Variants in FMN2 observed in about 807,000 individuals in gnomAD.
FMN2 encodes formin-2.
Under a neutral mutation model 142.3 loss-of-function variants are expected in FMN2, and 51 were observed. The ratio of observed to expected loss-of-function variants is 0.36; its 90% CI spans 0.29 to 0.45. The LOEUF (loss-of-function observed/expected upper bound fraction) is 0.45, where lower values mean the gene tolerates loss of function less well. Ranked by LOEUF, FMN2 falls within the 20% of genes least tolerant of loss-of-function variation. The probability of loss-of-function intolerance (pLI) is 1.00; values close to 1 mark genes in which losing one functional copy is unlikely to be tolerated. For synonymous variants in FMN2, 882 were observed against 869.8 expected (o/e 1.01, Z -0.25); for missense variants, 1,936 against 2,122.8 (o/e 0.91, Z 1.73).
intron 13 of FMN2, 129 bp from the exon 14 acceptor site, chr1:240,355,687 A>C (rs1174168667): frequency 5.7e-6 from 3 of 526,234 alleles, no homozygotes; most frequent in Admixed American, 3.4e-5. Context: ...TGTTTCCAAA[A>C]TGTGTGCAGA....
At chr1:240,336,612 C>T (rs1233146861) in intron 13 of FMN2, among the ~76,000 whole-genome samples, 3 of 114,484 alleles carry the variant, frequency 2.6e-5, no homozygotes, top group Admixed American at 1.9e-4. Flanking sequence ...CCATTTATTA[C>T]AGAGAACTTT....
intron 6 of FMN2, among the ~76,000 whole-genome samples, chr1:240,256,000 C>G (rs1308604544): frequency 6.6e-6 from 1 of 152,008 alleles, no homozygotes. Context: ...GTTAGGAGCC[C>G]TGGAAGAGAA....
At chr1:240,188,525 A>G (rs1665574839) in intron 4 of FMN2, among the ~76,000 whole-genome samples, 1 of 152,206 alleles carries the variant, frequency 6.6e-6, no homozygotes, top group Non-Finnish European at 1.5e-5. Flanking sequence ...GTTGGGCCCA[A>G]TAACAGCGGG....
At chr1:240,419,223 T>G in intron 15 of FMN2, among the ~76,000 whole-genome samples, 1 of 152,244 alleles carries the variant, frequency 6.6e-6, no homozygotes, top group Admixed American at 6.5e-5. Context: ...GTTTTATGCC[T>G]ACATATCTAG....
chr1:240,116,961 G>C (rs1389072521), intron 1 of FMN2, among the ~76,000 whole-genome samples: 2 of 151,966 alleles, frequency 1.3e-5, no homozygotes, highest in Admixed American at 1.3e-4. Context: ...GTGGCTCAAG[G>C]GAGGATTTGT....
chr1:240,405,774 A>C lies in FMN2; in HGVS notation c.4910+13212A>C, dbSNP rs528691494. On this transcript the variant is annotated intron_variant, in intron 15 of 17. Coordinates refer to ENST00000319653, the MANE Select transcript of FMN2 (RefSeq NM_020066.5). ...ACAATCATTGTTCAGAGGAAGAAAA[A>C]AATTTTTTTCTAAGGAGAATGAAAG... Among the ~76,000 whole-genome samples, 91 of 152,114 alleles carry C rather than the reference A, an allele frequency of 6.0e-4. 2 individuals carry two copies. The South Asian group carries it at 0.019, about 31-fold the overall frequency.
In FMN2 at chr1:240,092,106, C is replaced by T; in HGVS notation, c.-4C>T. 6.5e-7 allele frequency: 1 copy of T among 1,547,942 alleles called. No individual in the cohort carries two copies. The highest frequency in any genetic ancestry group is 8.7e-7 in the Non-Finnish European group (1 of 1,147,314). ...GCGCGGCGGCGCAGCAGCGGGATTG[C>T]ACCATGGGGAACCAGGATGGGAAGC... On this transcript the variant is annotated 5_prime_UTR_variant, in exon 1 of 18. Transcript: ENST00000319653.
At chr1:240,333,261 T>A (rs1232716912) in intron 11 of FMN2, among the ~76,000 whole-genome samples, 1 of 152,184 alleles carries the variant, frequency 6.6e-6, no homozygotes, top group Non-Finnish European at 1.5e-5. Flanking sequence ...TACCTTTTTT[T>A]AAATAGAAAT....
At chr1:240,098,086 G>T (rs1661276790) in intron 1 of FMN2, among the ~76,000 whole-genome samples, 1 of 112,970 alleles carries the variant, frequency 8.9e-6, no homozygotes, top group Admixed American at 9.1e-5. Context: ...CCTTTCTAAA[G>T]GTTATCTTGA....
chr1:240,366,626 G>A (rs59533649), intron 14 of FMN2, among the ~76,000 whole-genome samples: 30,091 of 150,398 alleles, frequency 0.2, 3,340 homozygotes, highest in African/African-American at 0.3. Context: ...CGCAACCTCC[G>A]CCTCTGTTTA....
Position 240,439,279 on chromosome 1 carries a change from A to AAGAAAG in FMN2, c.5060+1070_5060+1071insGAAAGA, listed in dbSNP as rs1553265376. Among the ~76,000 whole-genome samples, 417 of 124,772 alleles carry AAGAAAG rather than the reference A, an allele frequency of 3.3e-3. 5 individuals carry two copies. Among genetic ancestry groups the AAGAAAG allele is most frequent in the African/African-American group, 0.012 (394 of 31,982 alleles). 81.9% of individuals were successfully genotyped at this position (124,772 alleles called of 152,430 possible). On this transcript the variant is annotated intron_variant, in intron 16 of 17. Coordinates refer to ENST00000319653, the MANE Select transcript of FMN2 (RefSeq NM_020066.5). ...CAGAGCAAGGCTGTCTCAAAAAAAA[A>AAGAAAG]AAAGAAAGAAAGAAAGAAAGAAAGA... is the stretch of plus-strand genomic sequence containing the variant.
Position 240,472,404 on chromosome 1 carries a change from A to G in FMN2, c.5093A>G (p.Lys1698Arg). Residue 1698 changes from lysine to arginine, a missense_variant, in exon 17 of 18, where the codon AAG becomes AGG. By Grantham distance (26) the Lys-to-Arg change is conservative. Around this residue, in one of 8 missense-constraint regions of FMN2, gnomAD observed 322 missense variants for 401.6 expected, o/e 0.80. Coordinates refer to ENST00000319653, the MANE Select transcript of FMN2 (RefSeq NM_020066.5). ...GAAGCCGAAGAGGTGTGTAGACAGA[A>G]GAAAGGAAAATCACTTTATAAAATA... ...VKEAEEVCRQKKGKSLYKIKP... is the reference protein window; with the variant it reads ...VKEAEEVCRQRKGKSLYKIKP... The G allele has an allele frequency of 6.2e-7, 1 of 1,612,448 alleles. No homozygotes were observed. Among genetic ancestry groups the G allele is most frequent in the East Asian group, 2.2e-5 (1 of 44,740 alleles).
chr1:240,421,754 A>G (rs1007914225), intron 15 of FMN2, among the ~76,000 whole-genome samples: 1 of 150,570 alleles, frequency 6.6e-6, no homozygotes, highest in Non-Finnish European at 1.5e-5. Context: ...CAACCAAGAC[A>G]TTTTATCTCA....
intron 2 of FMN2, among the ~76,000 whole-genome samples, chr1:240,126,493 A>T (rs937195554): frequency 6.6e-6 from 1 of 151,382 alleles, no homozygotes; most frequent in African/African-American, 2.4e-5. Context: ...CTCTTCACTG[A>T]TGTAGTTTAT....
intron 6 of FMN2, among the ~76,000 whole-genome samples, chr1:240,248,085 C>T (rs1668140016): frequency 6.6e-6 from 1 of 152,012 alleles, no homozygotes; most frequent in African/African-American, 2.4e-5. Flanking sequence ...AATCTCTCCT[C>T]ATCACCTCCC....
intron 8 of FMN2, among the ~76,000 whole-genome samples, chr1:240,328,397 C>T (rs1484150120): frequency 6.6e-6 from 1 of 151,482 alleles, no homozygotes; most frequent in African/African-American, 2.4e-5. Context: ...AATGAAATGC[C>T]TGTGTTCTAG....
At chr1:240,377,112 A>G (rs1468656107) in intron 14 of FMN2, among the ~76,000 whole-genome samples, 1 of 152,186 alleles carries the variant, frequency 6.6e-6, no homozygotes, top group Non-Finnish European at 1.5e-5. Context: ...CATAATTAGC[A>G]TTTCCAGTTT....
At chr1:240,134,146 A>C (rs1662845354) in intron 2 of FMN2, among the ~76,000 whole-genome samples, 1 of 152,200 alleles carries the variant, frequency 6.6e-6, no homozygotes, top group Non-Finnish European at 1.5e-5. Context: ...TTGGTATTTA[A>C]TATTATTGCC....
chr1:240,258,940 T>A (rs889102686), intron 7 of FMN2, among the ~76,000 whole-genome samples: 1 of 152,228 alleles, frequency 6.6e-6, no homozygotes, highest in Non-Finnish European at 1.5e-5. Flanking sequence ...ACTGGCTTTC[T>A]AGCTTACCCC....
Sources: allele counts gnomAD v4.1 joint callset (sites outside exome capture counted in the v4.1 genomes callset), GRCh38; gene constraint gnomAD v4.1.1; regional missense constraint gnomAD v4.1.1; transcripts MANE v1.5; gene names NCBI Gene and HGNC (gene_info 2026-07-23, HGNC 2026-07-21).